Variants in NCS1 observed in about 807,000 individuals in gnomAD.
NCS1 encodes frequenin homolog.
Under a neutral mutation model 28.4 loss-of-function variants are expected in NCS1, and 6 were observed. The observed-to-expected ratio is 0.21, with a 90% CI of 0.12 to 0.42. The LOEUF (loss-of-function observed/expected upper bound fraction) is 0.42. Ranked by LOEUF, NCS1 falls within the 10% of genes least tolerant of loss-of-function variation. The probability of loss-of-function intolerance (pLI) is 1.00; values close to 1 mark genes in which losing one functional copy is unlikely to be tolerated. For synonymous variants in NCS1, 86 were observed against 99.3 expected (o/e 0.87, Z 0.79); for missense variants, 131 against 241.4 (o/e 0.54, Z 3.03).
At chr9:130,208,069 G>A (rs1554908322) in intron 2 of NCS1, among the ~76,000 whole-genome samples, 1 of 152,078 alleles carries the variant, frequency 6.6e-6, no homozygotes, top group African/African-American at 2.4e-5. Flanking sequence ...GTGACTGTGA[G>A]CTCTGTAATC....
rs1474109557 is a variant in NCS1, at chr9:130,191,148, G to A, written c.65-9810G>A. Among the ~76,000 whole-genome samples the A allele has an allele frequency of 6.6e-6, 1 of 152,182 alleles. No individual in the cohort carries two copies. Among genetic ancestry groups the A allele is most frequent in the Non-Finnish European group, 1.5e-5 (1 of 68,022 alleles). On this transcript the variant is annotated intron_variant, in intron 1 of 7. Transcript: ENST00000372398. The surrounding 1 kb of genome is among the most constrained non-coding windows in gnomAD (Gnocchi z 6.4). ...CCCCTGACAGCGGGGCAGGGAGCACGCTGACCCAGGCCACGTGGCGACTGG... is the reference window on the plus strand; with the variant it reads ...CCCCTGACAGCGGGGCAGGGAGCACACTGACCCAGGCCACGTGGCGACTGG...
At chr9:130,203,194 C>T (rs1476641028) in intron 2 of NCS1, among the ~76,000 whole-genome samples, 1 of 149,184 alleles carries the variant, frequency 6.7e-6, no homozygotes, top group Admixed American at 6.8e-5. Context: ...GGCTGGAGTA[C>T]AGTGGTGCCA....
At chr9:130,229,779 A>G (rs560238623) in intron 7 of NCS1, among the ~76,000 whole-genome samples, 3 of 152,114 alleles carry the variant, frequency 2.0e-5, no homozygotes, top group Non-Finnish European at 2.9e-5. Flanking sequence ...CCTTGTGCCT[A>G]CGCGGTAGTG....
At position 130,178,083 on chromosome 9, in the gene NCS1, G is replaced by A. The variant is rs73543583; in HGVS notation, c.64+5356G>A. 1.4e-3 allele frequency among the ~76,000 whole-genome samples: 215 copies of A among 152,268 alleles called. 2 individuals are homozygous for A. The highest frequency in any genetic ancestry group is 4.9e-3 in the African/African-American group (205 of 41,544). Reference sequence around the variant, plus strand: ...TCGCTATGTTGGCCAGGCTAGTCTCGAACTCCTGGCCTCAAGTGATCTCCT... The same window carrying A: ...TCGCTATGTTGGCCAGGCTAGTCTCAAACTCCTGGCCTCAAGTGATCTCCT... On this transcript the variant is annotated intron_variant, in intron 1 of 7. Transcript: ENST00000372398.
At chr9:130,229,365 A>T (rs1364131200) in intron 7 of NCS1, among the ~76,000 whole-genome samples, 1 of 150,388 alleles carries the variant, frequency 6.6e-6, no homozygotes, top group Non-Finnish European at 1.5e-5. Context: ...GACAATTCTC[A>T]TGCCTCAGCC....
intron 2 of NCS1, among the ~76,000 whole-genome samples, chr9:130,213,278 T>C (rs1554908959): frequency 6.6e-6 from 1 of 152,142 alleles, no homozygotes; most frequent in East Asian, 1.9e-4. Context: ...TTTTCTTTTC[T>C]TTCTTTTTTT....
In NCS1 at chr9:130,236,598, T is replaced by G. The variant is rs988112465; in HGVS notation, c.*3626T>G. The G allele has an allele frequency of 6.6e-6, 1 of 152,332 alleles. No individual in the cohort carries two copies. The highest frequency in any genetic ancestry group is 2.4e-5 in the African/African-American group (1 of 41,424). 9.4% of individuals were successfully genotyped at this position (152,332 alleles called of 1,614,324 possible). ...CGGAATAAACCCAATGGTTAATTTTTGAATGAATAAAAGGCTTTTGTTGAA... is the reference window on the plus strand; with the variant it reads ...CGGAATAAACCCAATGGTTAATTTTGGAATGAATAAAAGGCTTTTGTTGAA... On this transcript the variant is annotated 3_prime_UTR_variant, in exon 8 of 8. Coordinates refer to ENST00000372398, the MANE Select transcript of NCS1 (RefSeq NM_014286.4).
intron 2 of NCS1, 139 bp from the exon 3 acceptor site, chr9:130,217,693 C>A: frequency 7.9e-7 from 1 of 1,267,822 alleles, no homozygotes; most frequent in South Asian, 1.2e-5. Flanking sequence ...CTGTGCCTAT[C>A]AAGTCCATGG....
At chr9:130,222,949 G>A in intron 5 of NCS1, 133 bp from the exon 6 acceptor site, 1 of 796,886 alleles carries the variant, frequency 1.3e-6, no homozygotes, top group African/African-American at 1.7e-5. Context: ...GGGCACAATG[G>A]CAGGGATGGG....
intron 1 of NCS1, among the ~76,000 whole-genome samples, chr9:130,188,864 C>A (rs1044547884): frequency 1.3e-5 from 2 of 152,074 alleles, no homozygotes; most frequent in African/African-American, 2.4e-5. Flanking sequence ...TTACAGGTGC[C>A]TGCCACCATG....
At chr9:130,182,944 G>A (rs782773175) in intron 1 of NCS1, among the ~76,000 whole-genome samples, 1 of 152,248 alleles carries the variant, frequency 6.6e-6, no homozygotes, top group Non-Finnish European at 1.5e-5. Flanking sequence ...TGGCCAAGGG[G>A]ACCCCCGTGA....
At position 130,222,773 on chromosome 9, in the gene NCS1, A is replaced by T. The variant is rs1833350896; in HGVS notation, c.396+35A>T. On this transcript the variant is annotated intron_variant, in intron 5 of 7. Transcript: ENST00000372398. ...CGGGTCTCGTGTGGTTAGGGGTGGC[A>T]GGAGGGGCAAAGCCAGTGACTGAGA... 3.8e-6 allele frequency: 6 copies of T among 1,597,018 alleles called. No homozygotes were observed. The South Asian group carries it at 6.6e-5, about 18-fold the overall frequency.
At chr9:130,230,607 G>C (rs527472685) in intron 7 of NCS1, among the ~76,000 whole-genome samples, 1 of 152,174 alleles carries the variant, frequency 6.6e-6, no homozygotes, top group East Asian at 1.9e-4. Flanking sequence ...TACTCAGGAA[G>C]CTGAGGCAGG....
chr9:130,205,246 G>A (rs1336264493), intron 2 of NCS1, among the ~76,000 whole-genome samples: 1 of 152,106 alleles, frequency 6.6e-6, no homozygotes, highest in African/African-American at 2.4e-5. Context: ...GGGGACACGA[G>A]CCTGGCGAAT....
rs547507290 is a variant in NCS1, at chr9:130,215,328, G to C, written c.90-2504G>C. ...TTTAAGGGCCAGGACGGGGGTGGCTGTGTCCCTTCCTCCTGCTGTGGGAAG... is the reference window on the plus strand; with the variant it reads ...TTTAAGGGCCAGGACGGGGGTGGCTCTGTCCCTTCCTCCTGCTGTGGGAAG... On this transcript the variant is annotated intron_variant, in intron 2 of 7. Transcript: ENST00000372398. The surrounding 1 kb of genome is among the most constrained non-coding windows in gnomAD (Gnocchi z 4.2). Among the ~76,000 whole-genome samples, 1 of 152,156 alleles carries C rather than the reference G, an allele frequency of 6.6e-6. No homozygotes were observed. The highest frequency in any genetic ancestry group is 2.1e-4 in the South Asian group (1 of 4,830).
Position 130,219,034 on chromosome 9 carries a change from G to A in NCS1, c.229-691G>A, listed in dbSNP as rs934342292. 7.9e-5 allele frequency among the ~76,000 whole-genome samples: 12 copies of A among 152,186 alleles called. No individual in the cohort carries two copies. The highest frequency in any genetic ancestry group is 2.9e-4 in the African/African-American group (12 of 41,444). On this transcript the variant is annotated intron_variant, in intron 3 of 7. Coordinates refer to ENST00000372398, the MANE Select transcript of NCS1 (RefSeq NM_014286.4). This position sits in a 1 kb window ranked among gnomAD's most constrained non-coding sequence, Gnocchi z 5.7. ...CCTGGCGTTTTCCACTGAGCATCAT[G>A]TTTTCAAGACTTACCATGTGGTAGC...
chr9:130,196,169 T>C (rs1832876275), intron 1 of NCS1, among the ~76,000 whole-genome samples: 1 of 152,096 alleles, frequency 6.6e-6, no homozygotes, highest in African/African-American at 2.4e-5. Flanking sequence ...CACAGGACCT[T>C]GGGCAGGACC....
chr9:130,206,403 CTTT>C (rs71387330), intron 2 of NCS1, among the ~76,000 whole-genome samples: 46,611 of 116,410 alleles, frequency 0.4, 9,073 homozygotes, highest in Admixed American at 0.48. Context: ...TTCTTTCTTT[CTTT>C]TTTTTTTTTT....
At chr9:130,210,825 C>A (rs1019460077) in intron 2 of NCS1, among the ~76,000 whole-genome samples, 1 of 151,384 alleles carries the variant, frequency 6.6e-6, no homozygotes, top group East Asian at 1.9e-4. Flanking sequence ...AAATTCAACA[C>A]CTTTTTCTTT....
Sources: gnomAD v4.1 joint callset for allele counts (sites outside exome capture counted in the v4.1 genomes callset) on GRCh38, gnomAD v4.1.1 for gene constraint, Gnocchi (gnomAD v3.1) non-coding constraint, MANE v1.5 for transcripts, NCBI Gene and HGNC (gene_info 2026-07-23, HGNC 2026-07-21) for gene names.